The following GRM8 variants were observed in gnomAD, a reference collection of about 807,000 sequenced individuals.
GRM8 encodes the protein metabotropic glutamate receptor 8.
Under a neutral mutation model 87.2 loss-of-function variants are expected in GRM8, and 47 were observed. The ratio of observed to expected loss-of-function variants is 0.54; its 90% CI spans 0.43 to 0.69. GRM8 has a LOEUF of 0.69. Ranked by LOEUF, GRM8 falls within the 30% of genes least tolerant of loss-of-function variation. The pLI is 0.00. For synonymous variants in GRM8, 396 were observed against 404.5 expected, an observed-to-expected ratio of 0.98 and a Z score of 0.25; for missense variants, 1,019 against 1,139.2, an observed-to-expected ratio of 0.89 and a Z score of 1.52.
At chr7:126,480,677 A>G (rs1430432522) in intron 9 of GRM8, among the ~76,000 whole-genome samples, 1 of 152,110 alleles carries the variant, frequency 6.6e-6, no homozygotes, top group Non-Finnish European at 1.5e-5. Flanking sequence ...CAGAGGTATC[A>G]GTAAAACGCA....
chr7:127,051,094 A>G (rs2132488593), intron 3 of GRM8, among the ~76,000 whole-genome samples: 1 of 152,290 alleles, frequency 6.6e-6, no homozygotes, highest in South Asian at 2.1e-4. Context: ...AATAATGAAA[A>G]TGTATTTGAA....
At chr7:127,189,716 C>T (rs1348646242) in intron 2 of GRM8, among the ~76,000 whole-genome samples, 1 of 152,170 alleles carries the variant, frequency 6.6e-6, no homozygotes, top group African/African-American at 2.4e-5. Context: ...GCATCTCTGT[C>T]TGGTTCATGA....
chr7:126,862,468 C>T (rs1036977085), intron 6 of GRM8, among the ~76,000 whole-genome samples: 2 of 151,790 alleles, frequency 1.3e-5, no homozygotes, highest in African/African-American at 4.8e-5. Context: ...TCAGTAAGTG[C>T]TCTTGGATTT....
intron 9 of GRM8, among the ~76,000 whole-genome samples, chr7:126,522,231 C>T (rs761236288): frequency 5.3e-5 from 8 of 152,088 alleles, no homozygotes; most frequent in Non-Finnish European, 8.8e-5. Context: ...GAAATGAGTC[C>T]TCTCCTTTCC....
intron 6 of GRM8, among the ~76,000 whole-genome samples, chr7:126,844,505 C>T (rs956201102): frequency 6.6e-6 from 1 of 152,124 alleles, no homozygotes; most frequent in Admixed American, 6.5e-5. Context: ...TCACAATGAT[C>T]TTGTGAAGTA....
At chr7:126,761,870 A>G (rs948885914) in intron 7 of GRM8, among the ~76,000 whole-genome samples, 1 of 152,182 alleles carries the variant, frequency 6.6e-6, no homozygotes, top group Non-Finnish European at 1.5e-5. Flanking sequence ...GTCACTTTCT[A>G]TTTGTAACTT....
At chr7:126,991,144 T>C (rs1209928436) in intron 3 of GRM8, among the ~76,000 whole-genome samples, 1 of 152,160 alleles carries the variant, frequency 6.6e-6, no homozygotes, top group Non-Finnish European at 1.5e-5. Flanking sequence ...CAAGATAGAC[T>C]GAAATGACTG....
At position 126,869,933 on chromosome 7, in the gene GRM8, T is replaced by TAAAAAAAA. The variant is rs71177572; in HGVS notation, c.1156+32601_1156+32608dup. ...CAGGTATTGACTTTTCCTCATAGAT[T>TAAAAAAAA]AAAAAAAAAAAAAAAAAAAAAAAAA... is the stretch of plus-strand genomic sequence containing the variant. On this transcript the variant is annotated intron_variant, in intron 6 of 10. Transcript: ENST00000339582. 32 of 77,258 alleles carry TAAAAAAAA rather than the reference T, an allele frequency of 4.1e-4. 1 individual carries two copies. Among genetic ancestry groups the TAAAAAAAA allele is most frequent in the African/African-American group, 1.4e-3 (29 of 20,432 alleles). 4.8% of individuals were successfully genotyped at this position (77,258 alleles called of 1,614,324 possible). A position where few individuals can be genotyped will look rare whatever the true frequency, so the allele number is the denominator to read the frequency against.
intron 7 of GRM8, among the ~76,000 whole-genome samples, chr7:126,674,387 C>T (rs1160044474): frequency 2.6e-5 from 4 of 152,166 alleles, no homozygotes; most frequent in Non-Finnish European, 4.4e-5. Flanking sequence ...AGTTGGTACA[C>T]CCTCAAATTT....
At chr7:126,646,431 A>G (rs1212240372) in intron 7 of GRM8, among the ~76,000 whole-genome samples, 1 of 152,166 alleles carries the variant, frequency 6.6e-6, no homozygotes, top group Admixed American at 6.6e-5. Flanking sequence ...CTAAAAGACT[A>G]TCTCCACTCA....
intron 3 of GRM8, among the ~76,000 whole-genome samples, chr7:127,081,510 G>A (rs1320206796): frequency 1.3e-5 from 2 of 152,190 alleles, no homozygotes; most frequent in East Asian, 1.9e-4. Flanking sequence ...CAGAAGTGCT[G>A]TAATTGGGTG....
At chr7:127,027,931 C>A (rs1371504882) in intron 3 of GRM8, among the ~76,000 whole-genome samples, 1 of 152,088 alleles carries the variant, frequency 6.6e-6, no homozygotes, top group Non-Finnish European at 1.5e-5. Flanking sequence ...GGAATGACTC[C>A]AGTTTTTGCC....
intron 6 of GRM8, among the ~76,000 whole-genome samples, chr7:126,803,354 A>C (rs564556938): frequency 6.6e-6 from 1 of 152,304 alleles, no homozygotes; most frequent in South Asian, 2.1e-4. Flanking sequence ...TGTCTAGTTT[A>C]ATTCTTTCAA....
chr7:126,710,794 T>A (rs959057992), intron 7 of GRM8, among the ~76,000 whole-genome samples: 5 of 152,234 alleles, frequency 3.3e-5, no homozygotes, highest in African/African-American at 1.2e-4. Context: ...GCATCTAGAA[T>A]GGTGAATTTT....
intron 8 of GRM8, among the ~76,000 whole-genome samples, chr7:126,604,257 C>G (rs902397307): frequency 6.6e-6 from 1 of 151,932 alleles, no homozygotes; most frequent in Non-Finnish European, 1.5e-5. Flanking sequence ...TAGTTTTTCC[C>G]AAAGCATTTG....
At chr7:126,701,890 T>G (rs1809973055) in intron 7 of GRM8, 1 of 582,298 alleles carries the variant, frequency 1.7e-6, no homozygotes, top group Non-Finnish European at 3.0e-6. Flanking sequence ...ATGCCTGGTT[T>G]GCTTTAGACA....
At chr7:126,589,181 C>T (rs1003160767) in intron 8 of GRM8, among the ~76,000 whole-genome samples, 1 of 152,140 alleles carries the variant, frequency 6.6e-6, no homozygotes, top group African/African-American at 2.4e-5. Context: ...GGTATGAAAC[C>T]TGAAAGTCCT....
intron 2 of GRM8, among the ~76,000 whole-genome samples, chr7:127,232,942 A>G (rs1797776548): frequency 6.6e-6 from 1 of 152,050 alleles, no homozygotes; most frequent in Admixed American, 6.5e-5. Context: ...GGTTCAAGTG[A>G]TTCTCCTGCC....
chr7:127,156,884 C>A (rs924046862), intron 2 of GRM8, among the ~76,000 whole-genome samples: 1 of 151,920 alleles, frequency 6.6e-6, no homozygotes, highest in African/African-American at 2.4e-5. Context: ...AAACAACTTC[C>A]TAGATGGAAT....
Sources: gnomAD v4.1 joint callset for allele counts (sites outside exome capture counted in the v4.1 genomes callset) on GRCh38, gnomAD v4.1.1 for gene constraint, MANE v1.5 for transcripts, NCBI Gene and HGNC (gene_info 2026-07-23, HGNC 2026-07-21) for gene names.